SPG7: variants seen among roughly 807,000 people sequenced by gnomAD.
SPG7 encodes the protein mitochondrial inner membrane m-AAA protease component paraplegin.
Under a neutral mutation model 81.9 loss-of-function variants are expected in SPG7, and 103 were observed. The observed-to-expected ratio is 1.26, with a 90% CI of 1.07 to 1.48. The LOEUF (loss-of-function observed/expected upper bound fraction) is 1.48, where lower values mean the gene tolerates loss of function less well. Ranked by LOEUF, SPG7 falls within the 40% of genes most tolerant of loss-of-function variation. SPG7 has a pLI of 0.00. For synonymous variants in SPG7, 534 were observed against 444.2 expected (o/e 1.20, Z -2.54); for missense variants, 1,241 against 1,087.3 (o/e 1.14, Z -1.99).
chr16:89,534,228 G>A (rs1243015381), intron 9 of SPG7, among the ~76,000 whole-genome samples: 2 of 152,088 alleles, frequency 1.3e-5, no homozygotes, highest in Non-Finnish European at 2.9e-5. Context: ...GACTGTTGTA[G>A]GGACCTCATA....
intron 1 of SPG7, 145 bp downstream of exon 1, chr16:89,508,745 T>G: frequency 1.1e-6 from 1 of 927,630 alleles, no homozygotes; most frequent in Non-Finnish European, 1.7e-6. Context: ...GCTGTGGACC[T>G]CGGCGCGGAG....
At chr16:89,525,848 C>CT (rs1469066456) in intron 4 of SPG7, among the ~76,000 whole-genome samples, 2 of 152,160 alleles carry the variant, frequency 1.3e-5, no homozygotes, top group African/African-American at 4.8e-5. Flanking sequence ...TCGCCGGCCT[C>CT]TGGGGGGCTC....
At chr16:89,508,732 C>T (rs749619681) in intron 1 of SPG7, 132 bp downstream of exon 1, 2 of 997,122 alleles carry the variant, frequency 2.0e-6, no homozygotes, top group East Asian at 2.6e-5. Context: ...CGCGGATCCC[C>T]CAGCTGTGGA....
At chr16:89,510,385 A>T (rs1418386781) in intron 1 of SPG7, 105 bp from the exon 2 acceptor site, 1 of 704,562 alleles carries the variant, frequency 1.4e-6, no homozygotes, top group African/African-American at 1.8e-5. Flanking sequence ...TAGATATTAC[A>T]AATAATTATA....
intron 9 of SPG7, chr16:89,537,324 C>T (rs1270523285): frequency 8.2e-7 from 1 of 1,212,224 alleles, no homozygotes; most frequent in East Asian, 4.2e-5. Context: ...ACTGGAGGCA[C>T]CGCCGGCGAT....
At chr16:89,511,935 G>A (rs148418863) in intron 2 of SPG7, among the ~76,000 whole-genome samples, 13 of 151,888 alleles carry the variant, frequency 8.6e-5, no homozygotes, top group East Asian at 1.9e-4. Flanking sequence ...TTTTTGAGAC[G>A]GAGTCTTGCT....
chr16:89,515,743 C>G (rs193197348), intron 3 of SPG7, among the ~76,000 whole-genome samples: 23 of 150,894 alleles, frequency 1.5e-4, no homozygotes, highest in African/African-American at 5.4e-4. Flanking sequence ...GGGTCTCGCT[C>G]TGTCGCCAGG....
Position 89,556,919 on chromosome 16 carries a change from A to T in SPG7, c.2214A>T (p.Ile738=). 6.2e-7 allele frequency: 1 copy of T among 1,614,060 alleles called. No homozygotes were observed. Among genetic ancestry groups the T allele is most frequent in the Non-Finnish European group, 8.5e-7 (1 of 1,179,984 alleles). The stretch of plus-strand genomic sequence containing the variant: ...ACGCCCTTCTGGAAAAGGAAGTGAT[A>T]AACTATGAGGACATTGAGGCTCTCA... ...LANALLEKEV[I]NYEDIEALIG... is the part of the protein sequence containing the mutation. Residue 738 remains isoleucine (I), a synonymous_variant, in exon 17 of 17, where the codon ATA becomes ATT. Transcript: ENST00000645818.
intron 1 of SPG7, chr16:89,509,000 T>C (rs1251792010): frequency 2.1e-6 from 1 of 471,306 alleles, no homozygotes; most frequent in Admixed American, 2.3e-5. Context: ...GGGTGGTTAT[T>C]GCCGAGTAGG....
chr16:89,544,927 A>G, intron 10 of SPG7, 155 bp downstream of exon 10: 1 of 890,122 alleles, frequency 1.1e-6, no homozygotes, highest in Non-Finnish European at 1.8e-6. Context: ...CATCGGCTGC[A>G]CGCCCCCAGC....
intron 9 of SPG7, chr16:89,538,076 C>T (rs2058450164): frequency 6.6e-6 from 1 of 152,282 alleles, no homozygotes; most frequent in South Asian, 2.1e-4. Context: ...CAGAGAACCA[C>T]ACTTGGGGTT....
intron 9 of SPG7, 94 bp from the exon 10 acceptor site, chr16:89,544,554 C>T (rs113207534): frequency 5.4e-6 from 8 of 1,470,884 alleles, no homozygotes; most frequent in African/African-American, 1.4e-5. Flanking sequence ...AGGGGGGTCT[C>T]TCTCCCTCCT....
intron 3 of SPG7, chr16:89,522,617 C>G (rs1051540325): frequency 1.3e-5 from 2 of 151,646 alleles, no homozygotes; most frequent in Non-Finnish European, 1.5e-5. Context: ...ATGTCGTTCC[C>G]GCTGCTGTGT....
At chr16:89,528,044 G>A (rs1287585802) in intron 5 of SPG7, among the ~76,000 whole-genome samples, 8 of 152,190 alleles carry the variant, frequency 5.3e-5, no homozygotes, top group Non-Finnish European at 1.2e-4. Flanking sequence ...ACAGAAGATG[G>A]AGGGTTGGGG....
At chr16:89,556,755 T>C in intron 16 of SPG7, 132 bp from the exon 17 acceptor site, 1 of 769,542 alleles carries the variant, frequency 1.3e-6, no homozygotes, top group South Asian at 1.4e-5. Context: ...TGCCTCCGCT[T>C]CCCTGGGAAA....
chr16:89,510,022 TG>T (rs2057991948), intron 1 of SPG7, among the ~76,000 whole-genome samples: 2 of 152,198 alleles, frequency 1.3e-5, no homozygotes, highest in South Asian at 4.2e-4. Flanking sequence ...TTGCCCAGCC[TG>T]GAGTGCAGTG....
chr16:89,523,671 T>A, intron 3 of SPG7: 1 of 463,410 alleles, frequency 2.2e-6, no homozygotes. Context: ...AGCTTCAACC[T>A]CCCGCCTCAG....
chr16:89,509,966 TTTTG>T (rs879492404), intron 1 of SPG7, among the ~76,000 whole-genome samples: 2 of 150,918 alleles, frequency 1.3e-5, no homozygotes, highest in Admixed American at 6.6e-5. Flanking sequence ...TATCGTGATT[TTTTG>T]TTTGTTTATT....
chr16:89,548,786 G>A (rs894723479), intron 12 of SPG7: 7 of 380,820 alleles, frequency 1.8e-5, no homozygotes, highest in Admixed American at 5.8e-5. Context: ...ACACCCAGAC[G>A]TGATCAGTCA....
Sources: allele counts gnomAD v4.1 joint callset (sites outside exome capture counted in the v4.1 genomes callset), GRCh38; gene constraint gnomAD v4.1.1; transcripts MANE v1.5; gene names NCBI Gene and HGNC (gene_info 2026-07-23, HGNC 2026-07-21).